The following TPST1 variants were observed in gnomAD, a reference collection of about 807,000 sequenced individuals.
The protein encoded by TPST1 is protein-tyrosine sulfotransferase 1.
Under a neutral mutation model 34.8 loss-of-function variants are expected in TPST1, and 20 were observed. The observed-to-expected ratio is 0.57, with a 90% CI of 0.40 to 0.84. The LOEUF is 0.84. Among genes scored for constraint, TPST1 ranks in the 40% least tolerant of loss-of-function variants. The pLI is 0.00. For synonymous variants in TPST1, 152 were observed against 159.4 expected (o/e 0.95, Z 0.35); for missense variants, 353 against 455.5 (o/e 0.78, Z 2.05).
intron 3 of TPST1, among the ~76,000 whole-genome samples, chr7:66,307,263 G>A (rs1265380171): frequency 1.3e-5 from 2 of 151,828 alleles, no homozygotes; most frequent in Admixed American, 6.6e-5. Flanking sequence ...GACTACAGGC[G>A]TCTGCCACCA....
At chr7:66,220,669 T>TGGG (rs1789523383) in intron 1 of TPST1, among the ~76,000 whole-genome samples, 1 of 5,536 alleles carries the variant, frequency 1.8e-4, no homozygotes, top group Non-Finnish European at 3.1e-4. Context: ...GGTGAGTGTG[T>TGGG]GGGGGTGGTG....
At chr7:66,318,535 C>T (rs965632432) in intron 3 of TPST1, among the ~76,000 whole-genome samples, 14 of 151,732 alleles carry the variant, frequency 9.2e-5, no homozygotes, top group Admixed American at 5.3e-4. Flanking sequence ...GGCACGATCT[C>T]AGCTCACTGC....
At chr7:66,207,511 G>T (rs1014691031) in intron 1 of TPST1, among the ~76,000 whole-genome samples, 3 of 152,250 alleles carry the variant, frequency 2.0e-5, no homozygotes, top group African/African-American at 7.2e-5. Flanking sequence ...ACATCCTCAG[G>T]TTTCCACCAT....
intron 2 of TPST1, among the ~76,000 whole-genome samples, chr7:66,262,513 A>C (rs1360444698): frequency 1.3e-5 from 2 of 152,080 alleles, no homozygotes; most frequent in Non-Finnish European, 2.9e-5. Context: ...CAGAACCCCA[A>C]ATGGGAGATG....
intron 3 of TPST1, among the ~76,000 whole-genome samples, chr7:66,328,900 A>T (rs868251504): frequency 1.1e-4 from 5 of 45,126 alleles, no homozygotes; most frequent in Non-Finnish European, 1.5e-4. Flanking sequence ...ATATATATAT[A>T]TATATATTTT....
At chr7:66,334,772 T>TC (rs2116292723) in intron 3 of TPST1, among the ~76,000 whole-genome samples, 1 of 152,014 alleles carries the variant, frequency 6.6e-6, no homozygotes, top group African/African-American at 2.4e-5. Context: ...TGCCACCCCT[T>TC]CCCCCCAAGC....
chr7:66,296,676 GTTTTTTTTTTT>G (rs55888171), intron 3 of TPST1, among the ~76,000 whole-genome samples: 2 of 92,142 alleles, frequency 2.2e-5, no homozygotes, highest in African/African-American at 8.9e-5. Flanking sequence ...TACTGGGTTG[GTTTTTTTTTTT>G]TTTTTTTTTT....
chr7:66,344,054 A>G (rs559846241), intron 3 of TPST1, among the ~76,000 whole-genome samples: 2 of 152,328 alleles, frequency 1.3e-5, no homozygotes, highest in South Asian at 4.1e-4. Flanking sequence ...GCTTGAAGAT[A>G]TGTCAGTAGA....
At chr7:66,276,235 G>C (rs987345849) in intron 2 of TPST1, among the ~76,000 whole-genome samples, 2 of 150,794 alleles carry the variant, frequency 1.3e-5, no homozygotes, top group East Asian at 1.9e-4. Flanking sequence ...TTGGTTTTTA[G>C]TATTTGCTGT....
chr7:66,263,183 T>C (rs1790522509), intron 2 of TPST1, among the ~76,000 whole-genome samples: 1 of 151,696 alleles, frequency 6.6e-6, no homozygotes, highest in African/African-American at 2.4e-5. Context: ...AAAGAATATT[T>C]TAGGGTAAAG....
intron 1 of TPST1, among the ~76,000 whole-genome samples, chr7:66,226,590 C>G (rs1789660545): frequency 6.6e-6 from 1 of 152,128 alleles, no homozygotes; most frequent in African/African-American, 2.4e-5. Flanking sequence ...CCTTACAAGG[C>G]CTTTGATCAT....
intron 1 of TPST1, among the ~76,000 whole-genome samples, chr7:66,218,087 C>T (rs1479459495): frequency 6.6e-6 from 1 of 151,896 alleles, no homozygotes; most frequent in Non-Finnish European, 1.5e-5. Context: ...CCATGTTGGT[C>T]AGGCTGGTCT....
At chr7:66,359,377 C>T (rs370619104) in intron 5 of TPST1, 1 of 142,118 alleles carries the variant, frequency 7.0e-6, no homozygotes, top group African/African-American at 2.5e-5. Context: ...ACTTAAAGAA[C>T]CTTAGGACCC....
intron 3 of TPST1, among the ~76,000 whole-genome samples, chr7:66,309,995 A>G (rs1383455640): frequency 6.6e-6 from 1 of 152,220 alleles, no homozygotes; most frequent in Non-Finnish European, 1.5e-5. Context: ...TCATGGCCAA[A>G]CAAGTTATGG....
In TPST1 at chr7:66,241,237, T is replaced by C. The variant is rs933849782; in HGVS notation, c.812T>C (p.Met271Thr). The change falls in exon 2 of 6, where the codon ATG (methionine) becomes ACG (threonine). Residue 271 changes from methionine to threonine, a missense_variant. Met to Thr is a moderately conservative substitution (Grantham distance 81). Transcript: ENST00000304842. Reference protein sequence around the residue: ...WNHSVLHHEEMIGKAGGVSLS... With the variant: ...WNHSVLHHEETIGKAGGVSLS... ...CACTCAGTATTGCACCATGAAGAGA[T>C]GATTGGGAAAGCTGGGGGAGTGTCT... 1.9e-6 allele frequency: 3 copies of C among 1,610,488 alleles called. No homozygotes were observed. Among genetic ancestry groups the C allele is most frequent in the Non-Finnish European group, 2.5e-6 (3 of 1,178,162 alleles).
At chr7:66,260,558 G>T (rs1308838182) in intron 2 of TPST1, among the ~76,000 whole-genome samples, 1 of 152,162 alleles carries the variant, frequency 6.6e-6, no homozygotes, top group Non-Finnish European at 1.5e-5. Context: ...CTCATTACGA[G>T]TTGTGTTTCC....
intron 3 of TPST1, among the ~76,000 whole-genome samples, chr7:66,308,420 T>C (rs1791465025): frequency 6.6e-6 from 1 of 152,176 alleles, no homozygotes; most frequent in Admixed American, 6.5e-5. Context: ...GTGTAATATT[T>C]TGGTAGAGAG....
At chr7:66,323,948 A>G (rs2116219915) in intron 3 of TPST1, among the ~76,000 whole-genome samples, 1 of 152,390 alleles carries the variant, frequency 6.6e-6, no homozygotes, top group South Asian at 2.1e-4. Flanking sequence ...ACCAGTGTTC[A>G]TAGCAGCACT....
chr7:66,287,098 T>G (rs1271431564), intron 3 of TPST1, among the ~76,000 whole-genome samples: 2 of 139,516 alleles, frequency 1.4e-5, no homozygotes, highest in Admixed American at 1.5e-4. Context: ...AGTGAGAATA[T>G]GCGGTGTTTG....
Sources: gnomAD v4.1 joint callset for allele counts (sites outside exome capture counted in the v4.1 genomes callset) on GRCh38, gnomAD v4.1.1 for gene constraint, MANE v1.5 for transcripts, NCBI Gene and HGNC (gene_info 2026-07-23, HGNC 2026-07-21) for gene names.